UBR3: variants seen among roughly 807,000 people sequenced by gnomAD.
UBR3 encodes the protein ubiquitin protein ligase E3 component n-recognin 3, also known as E3 ubiquitin-protein ligase UBR3.
A neutral mutation model predicts 243.2 loss-of-function variants in UBR3; 85 were observed. That is an observed-to-expected ratio of 0.35 (90% CI 0.29 to 0.42). UBR3 has a LOEUF of 0.42. Among genes scored for constraint, UBR3 ranks in the 10% least tolerant of loss-of-function variants. The probability of loss-of-function intolerance (pLI) is 1.00; values close to 1 mark genes in which losing one functional copy is unlikely to be tolerated. For synonymous variants in UBR3, 748 were observed against 799.8 expected (o/e 0.94, Z 1.09); for missense variants, 1,686 against 2,300.8 (o/e 0.73, Z 5.47).
At chr2:169,848,980 A>G (rs971660410) in intron 1 of UBR3, among the ~76,000 whole-genome samples, 2 of 152,334 alleles carry the variant, frequency 1.3e-5, no homozygotes, top group South Asian at 2.1e-4. Context: ...CAAATAATAT[A>G]AGCAAATGGA....
At chr2:169,931,702 A>C (rs2086139022) in intron 18 of UBR3, among the ~76,000 whole-genome samples, 2 of 152,146 alleles carry the variant, frequency 1.3e-5, no homozygotes, top group Admixed American at 6.5e-5. Flanking sequence ...GCCACATCTA[A>C]ATAGCCTCTC....
Position 169,963,109 on chromosome 2 carries a change from T to C in UBR3, c.3634+4583T>C, listed in dbSNP as rs144959311. Among the ~76,000 whole-genome samples, 12 of 152,294 alleles carry C rather than the reference T, an allele frequency of 7.9e-5. No homozygotes were observed. In the East Asian group the frequency reaches 2.1e-3, roughly 27 times the overall value. On this transcript the variant is annotated intron_variant, in intron 24 of 38. Transcript: ENST00000272793. ...TGGATAAGAATAGGCTGGTTTTTGT[T>C]GTTGTGGATGATCCGTTTTTTCTGT...
At chr2:169,843,014 C>G (rs1279823598) in intron 1 of UBR3, among the ~76,000 whole-genome samples, 1 of 152,202 alleles carries the variant, frequency 6.6e-6, no homozygotes. Context: ...TTCCTTTTAG[C>G]CCTCACTGGA....
chr2:169,993,873 C>G (rs1000639633), intron 25 of UBR3, among the ~76,000 whole-genome samples: 4 of 152,186 alleles, frequency 2.6e-5, no homozygotes, highest in African/African-American at 9.6e-5. Context: ...TCTGCTCCCT[C>G]AGTGTTTGAA....
chr2:170,035,377 A>G (rs748414442), intron 31 of UBR3, among the ~76,000 whole-genome samples: 2 of 151,968 alleles, frequency 1.3e-5, no homozygotes, highest in Non-Finnish European at 2.9e-5. Context: ...ATTTTTGTGC[A>G]TGTGAATGTC....
chr2:169,896,579 G>A lies in UBR3; in HGVS notation c.1309G>A (p.Asp437Asn). The change falls in exon 8 of 39, where the codon GAC (aspartate) becomes AAC (asparagine). Residue 437 changes from aspartate (D) to asparagine (N), a missense_variant. This residue lies in a region of UBR3 where 346 missense variants were observed against 585.8 expected (regional missense o/e 0.59). Coordinates refer to ENST00000272793, the MANE Select transcript of UBR3 (RefSeq NM_172070.4). The stretch of plus-strand genomic sequence containing the variant: ...AACACTGAAGAAAAGTCATGAATCA[G>A]ACACAATGTCTAACAGAATTGTGCA... ...MKTLKKSHES[D>N]TMSNRIVHIS... The A allele has an allele frequency of 6.4e-7, 1 of 1,550,566 alleles. No individual in the cohort carries two copies.
chr2:169,934,405 T>C (rs1454907229), intron 19 of UBR3, among the ~76,000 whole-genome samples: 19 of 152,198 alleles, frequency 1.2e-4, no homozygotes, highest in Admixed American at 1.2e-3. Context: ...CTTTCAAAGC[T>C]TTGAAGGAAT....
At chr2:170,042,379 T>C (rs1474408200) in intron 32 of UBR3, among the ~76,000 whole-genome samples, 1 of 152,176 alleles carries the variant, frequency 6.6e-6, no homozygotes, top group African/African-American at 2.4e-5. Flanking sequence ...TGATGGACAT[T>C]TGGGTTATTA....
At chr2:169,880,568 C>A (rs543147442) in intron 5 of UBR3, among the ~76,000 whole-genome samples, 22 of 152,206 alleles carry the variant, frequency 1.4e-4, no homozygotes, top group African/African-American at 4.3e-4. Flanking sequence ...CAACAACATT[C>A]TATTTTATGG....
intron 10 of UBR3, among the ~76,000 whole-genome samples, chr2:169,910,839 A>G (rs2085225414): frequency 6.6e-6 from 1 of 152,210 alleles, no homozygotes; most frequent in South Asian, 2.1e-4. Context: ...TATCTAATTT[A>G]AAAACCAATG....
intron 26 of UBR3, 136 bp downstream of exon 26, chr2:169,994,592 G>T (rs2089414454): frequency 1.1e-6 from 1 of 926,394 alleles, no homozygotes; most frequent in Non-Finnish European, 1.6e-6. Flanking sequence ...TTAATATGTG[G>T]ATAGAAAGAA....
intron 5 of UBR3, among the ~76,000 whole-genome samples, chr2:169,881,896 T>G (rs1323288115): frequency 9.2e-6 from 1 of 109,194 alleles, no homozygotes; most frequent in Admixed American, 1.1e-4. Context: ...TGTACATGTA[T>G]ACATATAGGT....
chr2:169,988,722 A>G (rs1293778450), intron 25 of UBR3, among the ~76,000 whole-genome samples: 2 of 152,174 alleles, frequency 1.3e-5, no homozygotes, highest in Non-Finnish European at 2.9e-5. Flanking sequence ...GGATTGCCTG[A>G]GCCCAAGAGG....
intron 8 of UBR3, among the ~76,000 whole-genome samples, chr2:169,903,269 G>T (rs2084898217): frequency 6.6e-6 from 1 of 152,140 alleles, no homozygotes; most frequent in Non-Finnish European, 1.5e-5. Flanking sequence ...GCAGTGTCAT[G>T]AAAATAGTGA....
chr2:169,948,802 C>T (rs1223833883), intron 22 of UBR3, among the ~76,000 whole-genome samples: 1 of 151,936 alleles, frequency 6.6e-6, no homozygotes, highest in Non-Finnish European at 1.5e-5. Flanking sequence ...ATTCATTAAA[C>T]TGACTCATAT....
chr2:169,841,941 G>A (rs2082307790), intron 1 of UBR3, among the ~76,000 whole-genome samples: 1 of 152,238 alleles, frequency 6.6e-6, no homozygotes, highest in African/African-American at 2.4e-5. Context: ...GGACTGGCAG[G>A]CAGCTCCACC....
chr2:169,994,974 C>T (rs1458755403), intron 26 of UBR3, among the ~76,000 whole-genome samples: 1 of 152,088 alleles, frequency 6.6e-6, no homozygotes, highest in Non-Finnish European at 1.5e-5. Context: ...GGGGTCCTGC[C>T]CAGGGTCGAT....
chr2:170,051,502 G>A (rs150174011), intron 32 of UBR3, among the ~76,000 whole-genome samples: 34,531 of 151,840 alleles, frequency 0.23, 4,301 homozygotes, highest in South Asian at 0.37. Context: ...CCGCCACCAC[G>A]CCCGACTAAT....
intron 1 of UBR3, among the ~76,000 whole-genome samples, chr2:169,870,801 G>GT (rs1435178656): frequency 6.6e-6 from 1 of 151,926 alleles, no homozygotes; most frequent in East Asian, 1.9e-4. Context: ...CTACAGGCAT[G>GT]TGCCACCATG....
Sources: allele counts gnomAD v4.1 joint callset (sites outside exome capture counted in the v4.1 genomes callset), GRCh38; gene constraint gnomAD v4.1.1; regional missense constraint gnomAD v4.1.1; transcripts MANE v1.5; gene names NCBI Gene and HGNC (gene_info 2026-07-23, HGNC 2026-07-21).